The following CDS2 variants were observed in gnomAD, a reference collection of about 807,000 sequenced individuals.
The protein encoded by CDS2 is CDP-diacylglycerol synthase 2, also known as phosphatidate cytidylyltransferase 2.
Under a neutral mutation model 59.0 loss-of-function variants are expected in CDS2, and 47 were observed. That is an observed-to-expected ratio of 0.80 (90% CI 0.63 to 1.02). The LOEUF is 1.02. Among genes scored for constraint, CDS2 ranks in the 50% least tolerant of loss-of-function variants. The pLI is 0.00. For missense variants in CDS2, 356 were observed against 558.9 expected (o/e 0.64, Z 3.66); for synonymous variants, 207 against 206.4 (o/e 1.00, Z -0.02).
chr20:5,150,425 C>T (rs2090779460), intron 1 of CDS2, among the ~76,000 whole-genome samples: 1 of 152,222 alleles, frequency 6.6e-6, no homozygotes, highest in African/African-American at 2.4e-5. Flanking sequence ...TCCTAGCTTC[C>T]TGGTCTCCGC....
intron 1 of CDS2, among the ~76,000 whole-genome samples, chr20:5,135,939 A>G (rs1342503373): frequency 6.6e-6 from 1 of 152,194 alleles, no homozygotes; most frequent in East Asian, 1.9e-4. Flanking sequence ...TACCAAAGTC[A>G]GACATCTTTT....
chr20:5,139,518 C>G (rs1213475647), intron 1 of CDS2, among the ~76,000 whole-genome samples: 1 of 151,986 alleles, frequency 6.6e-6, no homozygotes, highest in Admixed American at 6.6e-5. Context: ...GATAGTCTGA[C>G]TTCTTCCTTT....
chr20:5,127,850 CTG>C (rs1375227252), intron 1 of CDS2, among the ~76,000 whole-genome samples: 1 of 151,968 alleles, frequency 6.6e-6, no homozygotes, highest in Non-Finnish European at 1.5e-5. Flanking sequence ...AGTGAAAGAT[CTG>C]TGTAGGGGAG....
At position 5,139,861 on chromosome 20, in the gene CDS2, C is replaced by T. The variant is rs184099245; in HGVS notation, c.57+12712C>T. On this transcript the variant is annotated intron_variant, in intron 1 of 12. Coordinates refer to ENST00000460006, the MANE Select transcript of CDS2 (RefSeq NM_003818.4). ...TTGCCCAGGCTGGAGTGCAGTGGCA[C>T]GATCTCAGCTCGCTGCAACCTCCAC... Among the ~76,000 whole-genome samples, 591 of 150,436 alleles carry T rather than the reference C, an allele frequency of 3.9e-3. 9 individuals carry two copies. Among genetic ancestry groups the T allele is most frequent in the African/African-American group, 0.014 (555 of 40,774 alleles).
intron 1 of CDS2, among the ~76,000 whole-genome samples, chr20:5,131,205 A>G (rs550552658): frequency 6.6e-6 from 1 of 152,316 alleles, no homozygotes; most frequent in East Asian, 1.9e-4. Context: ...ATTAGTATCA[A>G]AATAATCTGG....
chr20:5,148,446 A>G (rs1253167679), intron 1 of CDS2, among the ~76,000 whole-genome samples: 1 of 152,222 alleles, frequency 6.6e-6, no homozygotes, highest in Non-Finnish European at 1.5e-5. Flanking sequence ...GTTAGGAAAT[A>G]GGTCTAGGCC....
chr20:5,155,620 C>T (rs1378860236), intron 1 of CDS2, among the ~76,000 whole-genome samples: 1 of 152,162 alleles, frequency 6.6e-6, no homozygotes, highest in Non-Finnish European at 1.5e-5. Context: ...CTGCCTCTCT[C>T]GTAGGGATAT....
Position 5,192,301 on chromosome 20 carries a change from GGGCAA to G in CDS2, c.*2071_*2075del, listed in dbSNP as rs1395626188. The stretch of plus-strand genomic sequence containing the variant: ...TTGGGATCAGGGAGCCGAGCATACT[GGGCAA>G]GGCTCATCATGTTCCTTTGTGGAAG... On this transcript the variant is annotated 3_prime_UTR_variant, in exon 13 of 13. Coordinates refer to ENST00000460006, the MANE Select transcript of CDS2 (RefSeq NM_003818.4). The G allele has an allele frequency of 6.6e-6, 1 of 152,082 alleles. No individual in the cohort carries two copies. The highest frequency in any genetic ancestry group is 6.6e-5 in the Admixed American group (1 of 15,220). 9.4% of individuals were successfully genotyped at this position (152,082 alleles called of 1,614,324 possible). A position where few individuals can be genotyped will look rare whatever the true frequency, so the allele number is the denominator to read the frequency against.
chr20:5,132,665 A>G (rs9973978), intron 1 of CDS2, among the ~76,000 whole-genome samples: 27,677 of 152,090 alleles, frequency 0.18, 3,980 homozygotes, highest in African/African-American at 0.4. Context: ...AACCTTAACT[A>G]TGATTCCCAG....
At chr20:5,188,969 G>A (rs2091091479) in intron 10 of CDS2, 98 bp from the exon 11 acceptor site, 1 of 1,482,756 alleles carries the variant, frequency 6.7e-7, no homozygotes, top group Non-Finnish European at 9.3e-7. Flanking sequence ...CTCCCAGTGA[G>A]GCCACAATGA....
intron 10 of CDS2, chr20:5,187,483 A>T (rs2091078087): frequency 6.6e-6 from 1 of 152,228 alleles, no homozygotes; most frequent in South Asian, 2.1e-4. Flanking sequence ...TTAGAAAAGA[A>T]AGTAAATTTT....
At chr20:5,147,049 A>G (rs1472242713) in intron 1 of CDS2, among the ~76,000 whole-genome samples, 3 of 152,222 alleles carry the variant, frequency 2.0e-5, no homozygotes, top group Admixed American at 2.0e-4. Flanking sequence ...ATTGGCCAGA[A>G]CTAATTTGCA....
intron 1 of CDS2, among the ~76,000 whole-genome samples, chr20:5,164,562 T>G (rs1353246545): frequency 6.6e-6 from 1 of 151,876 alleles, no homozygotes; most frequent in African/African-American, 2.4e-5. Context: ...TTCTTCTCCA[T>G]CTTACTAGAT....
At chr20:5,154,087 A>G (rs534651641) in intron 1 of CDS2, among the ~76,000 whole-genome samples, 1 of 152,060 alleles carries the variant, frequency 6.6e-6, no homozygotes, top group Admixed American at 6.6e-5. Context: ...TTCCCACCTC[A>G]TGTCTCCCTT....
chr20:5,148,860 A>G (rs1386743975), intron 1 of CDS2, among the ~76,000 whole-genome samples: 1 of 152,176 alleles, frequency 6.6e-6, no homozygotes, highest in East Asian at 1.9e-4. Flanking sequence ...TCTGTTCCAC[A>G]GAATTCTCGG....
In CDS2 at chr20:5,143,953, C is replaced by G. The variant is rs1030009972; in HGVS notation, c.57+16804C>G. On this transcript the variant is annotated intron_variant, in intron 1 of 12. Transcript: ENST00000460006. ...CTAATTTTTGTATTTTTTGTAGAGACAGGGTTTTCCCATGTTGGCCAGGCT... is the reference window on the plus strand; with the variant it reads ...CTAATTTTTGTATTTTTTGTAGAGAGAGGGTTTTCCCATGTTGGCCAGGCT... Among the ~76,000 whole-genome samples the G allele has an allele frequency of 9.9e-5, 15 of 151,860 alleles. 1 individual carries two copies. Among genetic ancestry groups the G allele is most frequent in the African/African-American group, 3.1e-4 (13 of 41,336 alleles).
At position 5,166,393 on chromosome 20, in the gene CDS2, C is replaced by G. The variant is rs543790995; in HGVS notation, c.58-7130C>G. 9.9e-5 allele frequency among the ~76,000 whole-genome samples: 15 copies of G among 152,054 alleles called. No individual in the cohort carries two copies. In the South Asian group the frequency reaches 3.1e-3, roughly 32 times the overall value. On this transcript the variant is annotated intron_variant, in intron 1 of 12. Transcript: ENST00000460006. The stretch of plus-strand genomic sequence containing the variant: ...GAGGTTTGTGGGAAGAGATGATGAG[C>G]TTGGTTTTGGACACATGGTGAGTTT...
rs2091170605 is a variant in CDS2, at chr20:5,197,863, A to C, written c.*7629A>C. 6.6e-6 allele frequency: 1 copy of C among 152,324 alleles called. No individual in the cohort carries two copies. The highest frequency in any genetic ancestry group is 1.5e-5 in the Non-Finnish European group (1 of 68,046). 9.4% of individuals were successfully genotyped at this position (152,324 alleles called of 1,614,324 possible). A position where few individuals can be genotyped will look rare whatever the true frequency, so the allele number is the denominator to read the frequency against. On this transcript the variant is annotated 3_prime_UTR_variant, in exon 13 of 13. Coordinates refer to ENST00000460006, the MANE Select transcript of CDS2 (RefSeq NM_003818.4). Reference sequence around the variant, plus strand: ...TTATATACCTGAATGTTCCTACTACACAAATAAACATATATTAAATTCTAG... The same window carrying C: ...TTATATACCTGAATGTTCCTACTACCCAAATAAACATATATTAAATTCTAG...
At chr20:5,180,476 A>G (rs981990897) in intron 5 of CDS2, among the ~76,000 whole-genome samples, 1 of 151,982 alleles carries the variant, frequency 6.6e-6, no homozygotes, top group Non-Finnish European at 1.5e-5. Context: ...ATATAGGGTA[A>G]TTTCCTGATG....
Sources: gnomAD v4.1 joint callset for allele counts (sites outside exome capture counted in the v4.1 genomes callset) on GRCh38, gnomAD v4.1.1 for gene constraint, MANE v1.5 for transcripts, NCBI Gene and HGNC (gene_info 2026-07-23, HGNC 2026-07-21) for gene names.